The following TEK variants were observed in gnomAD, a reference collection of about 807,000 sequenced individuals.
TEK encodes the protein angiopoietin-1 receptor.
TEK carries 43 observed loss-of-function variants against 131.8 expected under a neutral mutation model. The observed-to-expected ratio is 0.33, with a 90% confidence interval of 0.26 to 0.42. TEK has a LOEUF of 0.42. Among genes scored for constraint, TEK ranks in the 10% least tolerant of loss-of-function variants. TEK has a pLI of 1.00. For missense variants in TEK, 1,162 were observed against 1,384.4 expected, an observed-to-expected ratio of 0.84 and a Z score of 2.55; for synonymous variants, 580 against 491.6, an observed-to-expected ratio of 1.18 and a Z score of -2.38.
intron 7 of TEK, among the ~76,000 whole-genome samples, chr9:27,182,285 A>G (rs910643056): frequency 2.6e-5 from 4 of 152,190 alleles, no homozygotes; most frequent in Non-Finnish European, 4.4e-5. Context: ...AGCCCAGCAC[A>G]TCCACCTTCA....
intron 1 of TEK, among the ~76,000 whole-genome samples, chr9:27,121,459 T>TAA (rs1362174528): frequency 1.8e-4 from 27 of 149,520 alleles, no homozygotes; most frequent in Non-Finnish European, 2.7e-4. Flanking sequence ...TAAATTTTTT[T>TAA]TTTATTTTAT....
chr9:27,224,805 G>A (rs1302033951), intron 21 of TEK, among the ~76,000 whole-genome samples: 2 of 152,200 alleles, frequency 1.3e-5, no homozygotes, highest in African/African-American at 4.8e-5. Context: ...TAGGAAGAGA[G>A]GAAGTCAAAC....
intron 21 of TEK, among the ~76,000 whole-genome samples, chr9:27,220,939 C>T (rs1044927928): frequency 7.2e-5 from 11 of 152,206 alleles, no homozygotes; most frequent in South Asian, 2.1e-4. Flanking sequence ...GAACTATTCA[C>T]TCCCCTGGAA....
chr9:27,161,637 T>A (rs1435852378), intron 2 of TEK, among the ~76,000 whole-genome samples: 1 of 152,206 alleles, frequency 6.6e-6, no homozygotes, highest in Non-Finnish European at 1.5e-5. Flanking sequence ...TTCTGAGCTC[T>A]TGTTTTATAA....
intron 4 of TEK, among the ~76,000 whole-genome samples, chr9:27,169,883 G>A (rs1279381427): frequency 6.6e-6 from 1 of 152,060 alleles, no homozygotes; most frequent in Admixed American, 6.6e-5. Context: ...ATACAGCTGG[G>A]GAAAACTCAG....
At chr9:27,176,180 G>C (rs1771636053) in intron 6 of TEK, among the ~76,000 whole-genome samples, 2 of 152,122 alleles carry the variant, frequency 1.3e-5, no homozygotes, top group Non-Finnish European at 1.5e-5. Flanking sequence ...AATAGTCCAG[G>C]ATTTAGAATA....
At position 27,185,285 on chromosome 9, in the gene TEK, C is replaced by A. The variant is rs552925324; in HGVS notation, c.1183-200C>A. 2.8e-4 allele frequency among the ~76,000 whole-genome samples: 43 copies of A among 152,250 alleles called. 1 individual carries two copies. In the South Asian group the frequency reaches 8.7e-3, roughly 31 times the overall value. On this transcript the variant is annotated intron_variant, in intron 8 of 22. Coordinates refer to ENST00000380036, the MANE Select transcript of TEK (RefSeq NM_000459.5). The stretch of plus-strand genomic sequence containing the variant: ...ACACAAATACAACAGCAGGATCTGA[C>A]AGGGCATCAATCCAAAATAAACTTT...
At position 27,229,467 on chromosome 9, in the gene TEK, G is replaced by T. The variant is rs1826476236; in HGVS notation, c.*235G>T. On this transcript the variant is annotated 3_prime_UTR_variant, in exon 23 of 23. Coordinates refer to ENST00000380036, the MANE Select transcript of TEK (RefSeq NM_000459.5). ...GGCTGAAATCAGAATGCCTGTTTGT[G>T]GTTTCATATGCAATAATATATTTTT... The T allele has an allele frequency of 3.6e-6, 2 of 553,398 alleles. No individual in the cohort carries two copies. The highest frequency in any genetic ancestry group is 3.2e-6 in the Non-Finnish European group (1 of 309,326). 34.3% of individuals were successfully genotyped at this position (553,398 alleles called of 1,614,324 possible). A position where few individuals can be genotyped will look rare whatever the true frequency, so the allele number is the denominator to read the frequency against.
At chr9:27,129,586 C>CT (rs1320264525) in intron 1 of TEK, among the ~76,000 whole-genome samples, 1 of 152,186 alleles carries the variant, frequency 6.6e-6, no homozygotes. Flanking sequence ...TCAAGCATGG[C>CT]TTTCAGTTTT....
intron 19 of TEK, 50 bp downstream of exon 19, chr9:27,217,808 T>C: frequency 6.6e-7 from 1 of 1,519,740 alleles, no homozygotes; most frequent in Non-Finnish European, 9.1e-7. Flanking sequence ...CCCAGAAACA[T>C]ATACATTTGA....
At chr9:27,166,112 A>G (rs528197567) in intron 2 of TEK, among the ~76,000 whole-genome samples, 27 of 152,252 alleles carry the variant, frequency 1.8e-4, no homozygotes, top group East Asian at 3.8e-4. Context: ...CAGGATCCCT[A>G]TGATCCCAAG....
rs369726901 is a variant in TEK, at chr9:27,155,753, G to GT, written c.53-2071dup. ...TTTTCCCCAAAACATTGGGAATAAT[G>GT]TTTTTTTGCCCCAAAACAGTTAAAT... On this transcript the variant is annotated intron_variant, in intron 1 of 22. Transcript: ENST00000380036. 3.1e-3 allele frequency among the ~76,000 whole-genome samples: 469 copies of GT among 150,618 alleles called. 2 individuals carry two copies. Among genetic ancestry groups the GT allele is most frequent in the African/African-American group, 0.011 (443 of 41,072 alleles).
At position 27,190,721 on chromosome 9, in the gene TEK, G is replaced by C. The variant is rs774481737; in HGVS notation, c.1489+31G>C. On this transcript the variant is annotated intron_variant, in intron 10 of 22. Transcript: ENST00000380036. The stretch of plus-strand genomic sequence containing the variant: ...CTTTGGACAGGATAGATGCCAGCTG[G>C]GGATGTGGCACCAGGAGAATTATTT... 1.6e-5 allele frequency: 26 copies of C among 1,613,072 alleles called. 5 individuals carry two copies. In the Middle Eastern group the frequency reaches 4.3e-3, roughly 266 times the overall value.
chr9:27,203,246 G>T, intron 13 of TEK, 127 bp downstream of exon 13: 1 of 1,003,354 alleles, frequency 1.0e-6, no homozygotes, highest in Non-Finnish European at 1.5e-6. Context: ...GGCATTTACA[G>T]AGAGGTCCTT....
chr9:27,131,960 A>T (rs1822244016), intron 1 of TEK, among the ~76,000 whole-genome samples: 1 of 152,128 alleles, frequency 6.6e-6, no homozygotes, highest in Non-Finnish European at 1.5e-5. Flanking sequence ...GTTTAGATAG[A>T]ATGGATCTAG....
intron 1 of TEK, among the ~76,000 whole-genome samples, chr9:27,138,158 C>A (rs545500187): frequency 2.0e-5 from 3 of 152,148 alleles, no homozygotes; most frequent in African/African-American, 7.2e-5. Flanking sequence ...GTAGTGCAGA[C>A]CCAAAGAGTG....
chr9:27,151,888 A>T (rs1823139690), intron 1 of TEK, among the ~76,000 whole-genome samples: 1 of 152,186 alleles, frequency 6.6e-6, no homozygotes, highest in African/African-American at 2.4e-5. Flanking sequence ...CAAAAAACCT[A>T]AACTAAAATC....
chr9:27,121,703 TATA>T (rs1564037767), intron 1 of TEK, among the ~76,000 whole-genome samples: 2 of 152,060 alleles, frequency 1.3e-5, no homozygotes, highest in African/African-American at 4.8e-5. Context: ...TTAATTTAAA[TATA>T]ATGATTGATA....
At chr9:27,141,239 C>A (rs1339756278) in intron 1 of TEK, among the ~76,000 whole-genome samples, 2 of 151,642 alleles carry the variant, frequency 1.3e-5, no homozygotes, top group African/African-American at 2.4e-5. Flanking sequence ...TGTTTTCTTT[C>A]TTTTGCTTAT....
Sources: allele counts gnomAD v4.1 joint callset (sites outside exome capture counted in the v4.1 genomes callset), GRCh38; gene constraint gnomAD v4.1.1; transcripts MANE v1.5; gene names NCBI Gene and HGNC (gene_info 2026-07-23, HGNC 2026-07-21).